The following MFF variants were observed in gnomAD, a reference collection of about 807,000 sequenced individuals.
MFF encodes the protein chromosome 2 open reading frame 33.
MFF carries 12 observed loss-of-function variants against 36.9 expected under a neutral mutation model. That is an observed-to-expected ratio of 0.33 (90% confidence interval 0.21 to 0.53). The LOEUF (loss-of-function observed/expected upper bound fraction) is 0.53, where lower values mean the gene tolerates loss of function less well. MFF is among the 20% of genes least tolerant of loss of function. The pLI is 0.95. For missense variants in MFF, 348 were observed against 366.6 expected (o/e 0.95, Z 0.42); for synonymous variants, 99 against 126.2 (o/e 0.78, Z 1.44).
Position 227,330,846 on chromosome 2 carries a change from G to A in MFF, c.181G>A (p.Gly61Arg). Reference sequence around the variant, plus strand: ...AGTTCCGGAGAGGATTGTTGTAGCAGGTATTTCACCTTTACTTAGAAGGTT... The same window carrying A: ...AGTTCCGGAGAGGATTGTTGTAGCAAGTATTTCACCTTTACTTAGAAGGTT... ...MQVPERIVVA[G>R]NNEDVSFSRP... The change falls in exon 3 of 9, where the codon GGA becomes AGA. Residue 61 changes from glycine (G) to arginine (R), a missense_variant and splice_region_variant. Coordinates refer to ENST00000304593, the MANE Select transcript of MFF (RefSeq NM_001277062.2). 1 of 1,612,150 alleles carries A rather than the reference G, an allele frequency of 6.2e-7. No homozygotes were observed.
At chr2:227,335,713 C>A in intron 4 of MFF, among the ~76,000 whole-genome samples, 1 of 152,168 alleles carries the variant, frequency 6.6e-6, no homozygotes, top group East Asian at 1.9e-4. Flanking sequence ...AGTTCTTAAA[C>A]TGGCTTAAAG....
intron 6 of MFF, among the ~76,000 whole-genome samples, chr2:227,348,906 T>C (rs1443653684): frequency 1.3e-5 from 2 of 152,152 alleles, no homozygotes; most frequent in Non-Finnish European, 2.9e-5. Context: ...ATATTGCATA[T>C]AAAGTAGCTG....
chr2:227,329,919 G>T (rs1381740824), intron 2 of MFF: 6 of 388,890 alleles, frequency 1.5e-5, no homozygotes, highest in East Asian at 3.9e-5. Flanking sequence ...TCTTTCTACT[G>T]CATTAAAAAA....
intron 1 of MFF, among the ~76,000 whole-genome samples, chr2:227,326,465 A>G (rs1009746397): frequency 1.3e-5 from 2 of 152,024 alleles, no homozygotes; most frequent in African/African-American, 4.8e-5. Context: ...TGCTTGGGGG[A>G]CCTTCTATCT....
chr2:227,349,458 C>G (rs1449700864), intron 6 of MFF, among the ~76,000 whole-genome samples: 3 of 151,908 alleles, frequency 2.0e-5, no homozygotes, highest in South Asian at 2.1e-4. Flanking sequence ...GGAAGGAATT[C>G]TCTTTTCTCA....
chr2:227,355,791 C>T (rs2076226503), intron 8 of MFF, 30 bp downstream of exon 8: 2 of 1,342,416 alleles, frequency 1.5e-6, no homozygotes, highest in African/African-American at 2.9e-5. Flanking sequence ...AGATATATTT[C>T]TCAGTTATAT....
intron 1 of MFF, among the ~76,000 whole-genome samples, chr2:227,328,022 C>T (rs989392627): frequency 2.6e-5 from 4 of 152,150 alleles, no homozygotes; most frequent in African/African-American, 9.7e-5. Flanking sequence ...AGCTTGCGTA[C>T]TTTGTACCGA....
intron 4 of MFF, among the ~76,000 whole-genome samples, chr2:227,334,451 G>C (rs2074834243): frequency 6.6e-6 from 1 of 152,164 alleles, no homozygotes; most frequent in Non-Finnish European, 1.5e-5. Flanking sequence ...AGGGAGCCAG[G>C]GTTCTAGTAG....
intron 7 of MFF, among the ~76,000 whole-genome samples, chr2:227,354,507 T>C (rs907446323): frequency 2.6e-5 from 4 of 152,196 alleles, no homozygotes; most frequent in African/African-American, 9.7e-5. Context: ...AAAATACATG[T>C]GAGGTGAATT....
intron 4 of MFF, among the ~76,000 whole-genome samples, chr2:227,338,292 C>A (rs1455565809): frequency 1.3e-5 from 2 of 150,944 alleles, no homozygotes; most frequent in Non-Finnish European, 2.9e-5. Context: ...TTGCTTGAAC[C>A]CAGGAGGTGT....
At chr2:227,340,441 C>G (rs550338457) in intron 5 of MFF, 61 bp downstream of exon 5, 2 of 1,207,098 alleles carry the variant, frequency 1.7e-6, no homozygotes, top group Non-Finnish European at 2.3e-6. Context: ...TTTTCTGTAC[C>G]CATGTTTTTC....
At chr2:227,327,390 CA>C (rs2074239048) in intron 1 of MFF, among the ~76,000 whole-genome samples, 1 of 151,846 alleles carries the variant, frequency 6.6e-6, no homozygotes, top group Non-Finnish European at 1.5e-5. Context: ...TATTTATTGC[CA>C]AAAGATATTA....
chr2:227,334,532 G>A (rs2074840347), intron 4 of MFF, among the ~76,000 whole-genome samples: 1 of 152,152 alleles, frequency 6.6e-6, no homozygotes, highest in South Asian at 2.1e-4. Context: ...ATTCATTCAG[G>A]TGTTAACTCA....
intron 5 of MFF, among the ~76,000 whole-genome samples, chr2:227,342,396 G>A (rs2075444651): frequency 6.6e-6 from 1 of 151,864 alleles, no homozygotes; most frequent in Non-Finnish European, 1.5e-5. Flanking sequence ...TGTTGTTAAC[G>A]TAGTGAGGAA....
intron 4 of MFF, among the ~76,000 whole-genome samples, chr2:227,338,557 C>T (rs1027392497): frequency 4.6e-5 from 7 of 151,952 alleles, no homozygotes; most frequent in Admixed American, 6.6e-5. Context: ...GTCGGCCGGG[C>T]GCAGTGGCTC....
chr2:227,326,932 T>C (rs537225892), intron 1 of MFF, among the ~76,000 whole-genome samples: 6 of 152,316 alleles, frequency 3.9e-5, no homozygotes, highest in South Asian at 2.1e-4. Flanking sequence ...ATGAGAAAGT[T>C]GGGCTGGAAT....
chr2:227,333,599 A>T (rs1160156938), intron 4 of MFF, among the ~76,000 whole-genome samples: 1 of 152,230 alleles, frequency 6.6e-6, no homozygotes, highest in Admixed American at 6.5e-5. Context: ...TTTCAGCAGG[A>T]CAATGATATG....
Position 227,355,785 on chromosome 2 carries a change from A to G in MFF, c.744+24A>G, listed in dbSNP as rs77603573. The stretch of plus-strand genomic sequence containing the variant: ...AGGTATTTAGTGTACCAAATAAGAT[A>G]TATTTCTCAGTTATATTCATACAAT... On this transcript the variant is annotated intron_variant, in intron 8 of 8. Coordinates refer to ENST00000304593, the MANE Select transcript of MFF (RefSeq NM_001277062.2). The G allele has an allele frequency of 1.2e-3, 1,760 of 1,415,570 alleles. 23 individuals carry two copies. The African/African-American group carries it at 0.022, about 17-fold the overall frequency. The allele number at this position is 1,415,570 out of a possible 1,614,324, so 87.7% of individuals were successfully genotyped here.
intron 7 of MFF, among the ~76,000 whole-genome samples, chr2:227,354,217 TA>T (rs1166160045): frequency 6.6e-6 from 1 of 152,238 alleles, no homozygotes; most frequent in Non-Finnish European, 1.5e-5. Flanking sequence ...CATACTTTAT[TA>T]AAGTATTTTT....
Sources: gnomAD v4.1 joint callset for allele counts (sites outside exome capture counted in the v4.1 genomes callset) on GRCh38, gnomAD v4.1.1 for gene constraint, MANE v1.5 for transcripts, NCBI Gene and HGNC (gene_info 2026-07-23, HGNC 2026-07-21) for gene names.